TJP2: variants seen among roughly 807,000 people sequenced by gnomAD.
The protein encoded by TJP2 is tight junction protein 2.
In TJP2, 91 loss-of-function variants were observed where a neutral mutation model predicts 133.1. The ratio of observed to expected loss-of-function variants is 0.68; its 90% confidence interval spans 0.58 to 0.81. The LOEUF (loss-of-function observed/expected upper bound fraction) is 0.81. TJP2 is among the 40% of genes least tolerant of loss of function. TJP2 has a pLI of 0.00. For synonymous variants in TJP2, 592 were observed against 583.4 expected (o/e 1.01, Z -0.21); for missense variants, 1,541 against 1,565.6 (o/e 0.98, Z 0.26).
At chr9:69,176,696 G>C (rs1825118486) in intron 1 of TJP2, among the ~76,000 whole-genome samples, 2 of 152,148 alleles carry the variant, frequency 1.3e-5, no homozygotes, top group Non-Finnish European at 2.9e-5. Context: ...TTTAACTTTT[G>C]ATCTAGTTCT....
In TJP2 at chr9:69,140,550, G is replaced by A. The variant is rs7854720; in HGVS notation, c.-130-11101G>A. On this transcript the variant is annotated intron_variant, in intron 1 of 5. Transcript: ENST00000423935. ...TGCTGTATCTCAACACCTCATACCC[G>A]GTATAGTCACTACCAAGTTCCCAGT... 3.3e-3 allele frequency among the ~76,000 whole-genome samples: 508 copies of A among 152,208 alleles called. 4 individuals carry two copies. The highest frequency in any genetic ancestry group is 0.011 in the African/African-American group (467 of 41,538).
intron 20 of TJP2, 40 bp from the exon 21 acceptor site, chr9:69,250,989 ATAAACT>A (rs767235215): frequency 4.7e-5 from 73 of 1,563,192 alleles, no homozygotes; most frequent in Non-Finnish European, 5.5e-5. Flanking sequence ...AGATTTGAAA[ATAAACT>A]TAAAAGCCCA....
chr9:69,162,160 T>TTA (rs927063300), intron 2 of TJP2, among the ~76,000 whole-genome samples: 6 of 148,038 alleles, frequency 4.1e-5, no homozygotes, highest in African/African-American at 1.2e-4. Context: ...CCTTTATATA[T>TTA]TATATATATA....
At chr9:69,244,673 T>G (rs1830804922) in intron 17 of TJP2, among the ~76,000 whole-genome samples, 1 of 152,218 alleles carries the variant, frequency 6.6e-6, no homozygotes, top group Non-Finnish European at 1.5e-5. Flanking sequence ...TAAAGGTACT[T>G]AATTCAGCAG....
At chr9:69,234,022 G>A (rs1052866460) in intron 11 of TJP2, among the ~76,000 whole-genome samples, 2 of 152,176 alleles carry the variant, frequency 1.3e-5, no homozygotes, top group African/African-American at 4.8e-5. Flanking sequence ...TGCTGGGCCA[G>A]CATGCTCAGT....
chr9:69,127,074 C>T (rs183863928), intron 1 of TJP2, among the ~76,000 whole-genome samples: 2,284 of 52,306 alleles, frequency 0.044, 795 homozygotes, highest in African/African-American at 0.11. Flanking sequence ...CTCTCTCTCT[C>T]TTTTTTTTTT....
chr9:69,225,722 A>G (rs796775584), intron 6 of TJP2, among the ~76,000 whole-genome samples: 34 of 152,354 alleles, frequency 2.2e-4, no homozygotes, highest in African/African-American at 6.7e-4. Flanking sequence ...TGAATGCTGA[A>G]TATTTAATAG....
intron 1 of TJP2, among the ~76,000 whole-genome samples, chr9:69,197,215 C>G (rs1316442186): frequency 6.6e-6 from 1 of 152,136 alleles, no homozygotes; most frequent in Non-Finnish European, 1.5e-5. Flanking sequence ...CCTCGACCTC[C>G]CACAGTGCTG....
At chr9:69,201,365 C>G (rs1826978397) in intron 1 of TJP2, among the ~76,000 whole-genome samples, 1 of 150,940 alleles carries the variant, frequency 6.6e-6, no homozygotes, top group African/African-American at 2.4e-5. Flanking sequence ...CTACTGTCCC[C>G]TCCCCCTTTT....
chr9:69,220,898 G>A lies in TJP2; in HGVS notation c.354G>A (p.Arg118=). The change falls in exon 5 of 23, where the codon AGG becomes AGA. Residue 118 remains arginine (R), a synonymous_variant. Coordinates refer to ENST00000377245, the MANE Select transcript of TJP2 (RefSeq NM_004817.4). ...SGKVAAIVVK[R]PRKVQVAALQ... is the part of the protein sequence containing the mutation. ...TGTTTTGACAACAGGTGGTCAAGAG[G>A]CCCCGGAAGGTCCAGGTGGCCGCAC... 6.2e-7 allele frequency: 1 copy of A among 1,612,300 alleles called. No homozygotes were observed. Among genetic ancestry groups the A allele is most frequent in the South Asian group, 1.1e-5 (1 of 90,998 alleles).
At chr9:69,174,856 G>A (rs1276941913) in intron 1 of TJP2, among the ~76,000 whole-genome samples, 1 of 151,738 alleles carries the variant, frequency 6.6e-6, no homozygotes, top group Non-Finnish European at 1.5e-5. Context: ...TCATCACAGA[G>A]CAGAATCCCT....
chr9:69,184,252 A>G (rs1825699678), intron 1 of TJP2, among the ~76,000 whole-genome samples: 1 of 152,238 alleles, frequency 6.6e-6, no homozygotes, highest in Non-Finnish European at 1.5e-5. Flanking sequence ...TGCCTTCAGG[A>G]CAAAGAAAAG....
chr9:69,231,359 A>G (rs1348537531), intron 11 of TJP2, among the ~76,000 whole-genome samples: 1 of 152,138 alleles, frequency 6.6e-6, no homozygotes, highest in African/African-American at 2.4e-5. Flanking sequence ...TGGCCTCCCA[A>G]AGTGCTGGGA....
chr9:69,237,892 C>G lies in TJP2; in HGVS notation c.2194C>G (p.Pro732Ala). The change falls in exon 15 of 23, where the codon CCT (proline) becomes GCT (alanine). Residue 732 changes from proline (P) to alanine (A), a missense_variant. Physicochemically the swap from Pro to Ala is conservative, Grantham distance 27. Transcript: ENST00000377245. ...TGTCATTTCAGCTGGTTTCAAGAGA[C>G]CTGTGGTCTTATTCGGCCCCATAGC... ...VLLREAGFKR[P>A]VVLFGPIADI... 6.2e-7 allele frequency: 1 copy of G among 1,613,668 alleles called. No homozygotes were observed. The highest frequency in any genetic ancestry group is 8.5e-7 in the Non-Finnish European group (1 of 1,179,702).
exon 1 of TJP2, chr9:69,121,547 C>G (rs911318021): frequency 4.5e-5 from 8 of 179,178 alleles, no homozygotes; most frequent in Admixed American, 6.5e-5. Context: ...CCCTCCCATT[C>G]CCGGGGAGCT....
intron 2 of TJP2, 110 bp downstream of exon 2, chr9:69,212,711 G>A (rs1383487196): frequency 3.7e-6 from 3 of 804,968 alleles, no homozygotes; most frequent in Non-Finnish European, 6.5e-6. Flanking sequence ...TTCCCTTGAG[G>A]TACATAATGT....
In TJP2 at chr9:69,251,114, G is replaced by A. The variant is rs138564703; in HGVS notation, c.3071G>A (p.Gly1024Asp). 1.4e-5 allele frequency: 23 copies of A among 1,614,156 alleles called. No individual in the cohort carries two copies. The African/African-American group carries it at 2.1e-4, about 15-fold the overall frequency. The change falls in exon 21 of 23, where the codon GGT becomes GAT. Residue 1024 changes from glycine (G) to aspartate (D), a missense_variant. Coordinates refer to ENST00000377245, the MANE Select transcript of TJP2 (RefSeq NM_004817.4). ...AAGTCAAACCCCTCTGCCGTTGCTG[G>A]TAATGAAACTCCTGGGGCATCTACC... Reference protein sequence around the residue: ...EYKSNPSAVAGNETPGASTKG... With the variant: ...EYKSNPSAVADNETPGASTKG...
chr9:69,193,583 C>G (rs1186794889), intron 1 of TJP2, among the ~76,000 whole-genome samples: 1 of 146,550 alleles, frequency 6.8e-6, no homozygotes, highest in Non-Finnish European at 1.5e-5. Context: ...TGCAGACTGT[C>G]AGTTTCACTC....
intron 2 of TJP2, among the ~76,000 whole-genome samples, chr9:69,159,792 C>T (rs1169457619): frequency 1.3e-5 from 2 of 151,222 alleles, no homozygotes; most frequent in African/African-American, 4.9e-5. Flanking sequence ...AGGAGAATCA[C>T]TTGAACCCGG....
Sources: allele counts gnomAD v4.1 joint callset (sites outside exome capture counted in the v4.1 genomes callset), GRCh38; gene constraint gnomAD v4.1.1; transcripts MANE v1.5; gene names NCBI Gene and HGNC (gene_info 2026-07-23, HGNC 2026-07-21).